Variants in DCLK1 observed in about 807,000 individuals in gnomAD.
DCLK1 encodes doublecortin like kinase 1.
DCLK1 carries 16 observed loss-of-function variants against 86.2 expected under a neutral mutation model. The observed-to-expected ratio is 0.19, with a 90% CI of 0.13 to 0.28. The LOEUF (loss-of-function observed/expected upper bound fraction) is 0.28. Ranked by LOEUF, DCLK1 falls within the 10% of genes least tolerant of loss-of-function variation. The probability of loss-of-function intolerance (pLI) is 1.00; values close to 1 mark genes in which losing one functional copy is unlikely to be tolerated. For missense variants in DCLK1, 590 were observed against 940.2 expected, an observed-to-expected ratio of 0.63 and a Z score of 4.87; for synonymous variants, 369 against 370.5, an observed-to-expected ratio of 1.00 and a Z score of 0.05.
intron 11 of DCLK1, among the ~76,000 whole-genome samples, chr13:35,817,184 A>G (rs1300283739): frequency 1.3e-5 from 2 of 152,176 alleles, no homozygotes; most frequent in Non-Finnish European, 2.9e-5. Flanking sequence ...CAAGGTGAAA[A>G]TCAATGTCTT....
chr13:35,828,156 C>G (rs1209131807), intron 9 of DCLK1, 94 bp downstream of exon 9: 15 of 1,058,578 alleles, frequency 1.4e-5, no homozygotes, highest in Non-Finnish European at 1.9e-5. Flanking sequence ...AAATTCAACC[C>G]TTAGGGTGAA....
intron 4 of DCLK1, among the ~76,000 whole-genome samples, chr13:35,937,241 G>A (rs572156767): frequency 3.7e-4 from 56 of 152,066 alleles, no homozygotes; most frequent in South Asian, 1.9e-3. Context: ...CCAAAGTGCT[G>A]GGATTGCAGG....
intron 4 of DCLK1, among the ~76,000 whole-genome samples, chr13:35,924,600 A>C (rs2153127634): frequency 6.6e-6 from 1 of 152,334 alleles, no homozygotes; most frequent in South Asian, 2.1e-4. Flanking sequence ...TAGTGAGCCG[A>C]GATCGTGCCA....
Position 35,824,658 on chromosome 13 carries a change from T to G in DCLK1, c.1408-1783A>C, listed in dbSNP as rs972085303. Among the ~76,000 whole-genome samples the G allele has an allele frequency of 1.3e-5, 2 of 152,146 alleles. 1 individual carries two copies. The highest frequency in any genetic ancestry group is 4.1e-4 in the South Asian group (2 of 4,832). On this transcript the variant is annotated intron_variant, in intron 10 of 16. Coordinates refer to ENST00000360631, the MANE Select transcript of DCLK1 (RefSeq NM_001330071.2). ...TCTGCTTCCCTCCGTGAGCTCCTTA[T>G]CCAAAGCATCCTGCACACCGACTGC...
intron 4 of DCLK1, among the ~76,000 whole-genome samples, chr13:35,888,034 C>A (rs927385159): frequency 2.0e-5 from 3 of 152,052 alleles, no homozygotes; most frequent in Non-Finnish European, 4.4e-5. Flanking sequence ...TCACATTCAT[C>A]CAAAGTAAGG....
intron 2 of DCLK1, among the ~76,000 whole-genome samples, chr13:36,119,223 T>C (rs1885895270): frequency 1.3e-5 from 2 of 152,166 alleles, no homozygotes; most frequent in Non-Finnish European, 2.9e-5. Flanking sequence ...AGAAGAAAGA[T>C]CTGATTTAGG....
intron 4 of DCLK1, among the ~76,000 whole-genome samples, chr13:35,920,267 C>A (rs568835157): frequency 6.6e-6 from 1 of 152,200 alleles, no homozygotes; most frequent in East Asian, 1.9e-4. Flanking sequence ...CTGCCCTTCA[C>A]GTGTCCTTGC....
At position 36,046,869 on chromosome 13, in the gene DCLK1, C is replaced by T. The variant is rs538898009; in HGVS notation, c.723+65000G>A. ...GTGGCCAAGTGAGTGAAGTCAGAAC[C>T]AAGTTTGCATAAGTGAAAATCAGCT... On this transcript the variant is annotated intron_variant, in intron 3 of 16. Transcript: ENST00000360631. Among the ~76,000 whole-genome samples the T allele has an allele frequency of 4.6e-5, 7 of 152,284 alleles. No homozygotes were observed. In the South Asian group the frequency reaches 1.0e-3, roughly 23 times the overall value.
intron 3 of DCLK1, among the ~76,000 whole-genome samples, chr13:35,978,182 GT>G (rs71081300): frequency 0.15 from 18,012 of 120,848 alleles, 1,425 homozygotes; most frequent in East Asian, 0.22. Context: ...TAGAGTTCCA[GT>G]TTTTTTTTTC....
intron 11 of DCLK1, among the ~76,000 whole-genome samples, chr13:35,814,915 T>C: frequency 6.6e-6 from 1 of 152,202 alleles, no homozygotes; most frequent in South Asian, 2.1e-4. Flanking sequence ...TCATTGCAGA[T>C]GGCTACAGTC....
At chr13:35,787,744 G>A (rs186525398) in intron 16 of DCLK1, 4 of 173,936 alleles carry the variant, frequency 2.3e-5, no homozygotes, top group South Asian at 1.5e-4. Context: ...ACTTTGAGGC[G>A]CTTCTACTAC....
intron 3 of DCLK1, among the ~76,000 whole-genome samples, chr13:36,088,388 GT>G (rs1884694278): frequency 6.6e-6 from 1 of 152,196 alleles, no homozygotes; most frequent in Non-Finnish European, 1.5e-5. Context: ...GCTGGCTTCT[GT>G]ACTTCAGGAG....
intron 3 of DCLK1, among the ~76,000 whole-genome samples, chr13:36,094,132 T>A (rs955709117): frequency 5.9e-5 from 9 of 152,196 alleles, no homozygotes; most frequent in Non-Finnish European, 1.3e-4. Context: ...CAGCATTTTT[T>A]AAAAATCTGC....
intron 6 of DCLK1, chr13:35,849,346 T>C: frequency 2.0e-6 from 2 of 985,018 alleles, no homozygotes; most frequent in Non-Finnish European, 2.4e-6. Context: ...AAAATTGTTT[T>C]CAAGTAAAAT....
chr13:36,011,125 T>G lies in DCLK1; in HGVS notation c.724-63668A>C, dbSNP rs1409722005. Among the ~76,000 whole-genome samples the G allele has an allele frequency of 6.0e-5, 6 of 100,326 alleles. No individual in the cohort carries two copies. In the East Asian group the frequency reaches 1.2e-3, roughly 21 times the overall value. The allele number at this position is 100,326 out of a possible 152,430, so 65.8% of individuals were successfully genotyped here. A position where few individuals can be genotyped will look rare whatever the true frequency, so the allele number is the denominator to read the frequency against. On this transcript the variant is annotated intron_variant, in intron 3 of 16. Transcript: ENST00000360631. ...ATTTGATTCTTCTCTCTTTTTTTCT[T>G]TATTAATCTTGCTAGTGGTCTATCA...
At chr13:35,848,101 A>T in intron 6 of DCLK1, 1 of 985,310 alleles carries the variant, frequency 1.0e-6, no homozygotes, top group Non-Finnish European at 1.2e-6. Context: ...TCGAACTTTG[A>T]ACTACAGCAC....
chr13:35,999,009 C>A, intron 3 of DCLK1, among the ~76,000 whole-genome samples: 1 of 152,194 alleles, frequency 6.6e-6, no homozygotes, highest in Non-Finnish European at 1.5e-5. Context: ...AATCCCAGCA[C>A]TTTGGGAGGC....
At chr13:35,780,391 A>G (rs1290758681) in intron 16 of DCLK1, among the ~76,000 whole-genome samples, 3 of 152,202 alleles carry the variant, frequency 2.0e-5, no homozygotes, top group Non-Finnish European at 4.4e-5. Flanking sequence ...GTAAGTTACC[A>G]CTTCACTAAG....
At chr13:36,003,818 T>C (rs1052392669) in intron 3 of DCLK1, among the ~76,000 whole-genome samples, 4 of 152,234 alleles carry the variant, frequency 2.6e-5, no homozygotes, top group Non-Finnish European at 5.9e-5. Flanking sequence ...AGATATTTTA[T>C]GGAAGTAGTT....
Sources: allele counts gnomAD v4.1 joint callset (sites outside exome capture counted in the v4.1 genomes callset), GRCh38; gene constraint gnomAD v4.1.1; transcripts MANE v1.5; gene names NCBI Gene and HGNC (gene_info 2026-07-23, HGNC 2026-07-21).